Variants in COL25A1 observed in about 807,000 individuals in gnomAD.
COL25A1 encodes the protein collagen type XXV alpha 1 chain, also known as collagen alpha-1(XXV) chain.
Under a neutral mutation model 128.4 loss-of-function variants are expected in COL25A1, and 103 were observed. That is an observed-to-expected ratio of 0.80 (90% CI 0.68 to 0.94). The LOEUF (loss-of-function observed/expected upper bound fraction) is 0.94. COL25A1 is among the 40% of genes least tolerant of loss of function. The probability of loss-of-function intolerance (pLI) is 0.00; values close to 1 mark genes in which losing one functional copy is unlikely to be tolerated. For missense variants in COL25A1, 745 were observed against 840.0 expected (o/e 0.89, Z 1.40); for synonymous variants, 279 against 277.2 (o/e 1.01, Z -0.06).
At chr4:108,915,355 C>T (rs1463528032) in intron 13 of COL25A1, among the ~76,000 whole-genome samples, 2 of 152,042 alleles carry the variant, frequency 1.3e-5, no homozygotes, top group African/African-American at 2.4e-5. Context: ...TTTTCTCTTT[C>T]TCTCTCTCTC....
intron 3 of COL25A1, among the ~76,000 whole-genome samples, chr4:109,222,959 T>C (rs17040094): frequency 0.087 from 13,219 of 152,260 alleles, 1,195 homozygotes; most frequent in African/African-American, 0.23. Flanking sequence ...TGAGTGGTTA[T>C]GGGTGTATAA....
chr4:109,218,700 C>T (rs1778223492), intron 3 of COL25A1, among the ~76,000 whole-genome samples: 1 of 151,994 alleles, frequency 6.6e-6, no homozygotes, highest in Admixed American at 6.6e-5. Flanking sequence ...ATCCTCTTCA[C>T]TTCAAAAAAC....
intron 5 of COL25A1, among the ~76,000 whole-genome samples, chr4:109,030,299 G>C (rs1758711976): frequency 6.6e-6 from 1 of 152,140 alleles, no homozygotes; most frequent in Middle Eastern, 3.2e-3. Flanking sequence ...CCCCACACCT[G>C]AACTATGGAG....
At chr4:109,210,979 A>T (rs936591906) in intron 3 of COL25A1, among the ~76,000 whole-genome samples, 1 of 151,996 alleles carries the variant, frequency 6.6e-6, no homozygotes, top group African/African-American at 2.4e-5. Flanking sequence ...CTGAGCACAC[A>T]TGGGCACAAA....
At chr4:109,137,605 A>T (rs1211760558) in intron 3 of COL25A1, among the ~76,000 whole-genome samples, 2 of 152,204 alleles carry the variant, frequency 1.3e-5, no homozygotes, top group East Asian at 3.8e-4. Flanking sequence ...GATTATCCTC[A>T]TAAAAGCAGA....
At chr4:109,257,216 T>G (rs1280859038) in intron 3 of COL25A1, among the ~76,000 whole-genome samples, 3 of 152,202 alleles carry the variant, frequency 2.0e-5, no homozygotes, top group Admixed American at 1.3e-4. Context: ...ACAACTTGTC[T>G]TCATGCTGCA....
chr4:109,164,766 A>G (rs1772910867), intron 3 of COL25A1, among the ~76,000 whole-genome samples: 1 of 152,184 alleles, frequency 6.6e-6, no homozygotes, highest in African/African-American at 2.4e-5. Context: ...TTGTTCTTTT[A>G]AATATTTTAA....
At chr4:108,983,844 G>A (rs1186470444) in intron 6 of COL25A1, among the ~76,000 whole-genome samples, 1 of 152,096 alleles carries the variant, frequency 6.6e-6, no homozygotes, top group Non-Finnish European at 1.5e-5. Context: ...AGCTCATAAT[G>A]GCAGTGTGGA....
rs139597515 is a variant in COL25A1, at chr4:109,218,888, G to A, written c.367+81695C>T. On this transcript the variant is annotated intron_variant, in intron 3 of 37. Coordinates refer to ENST00000399132, the MANE Select transcript of COL25A1 (RefSeq NM_198721.4). Reference sequence around the variant, plus strand: ...ATTCTTTCTCCTTTATAAAATTTGCGCCAAAATAGGTTCATAGTTAGAATA... The same window carrying A: ...ATTCTTTCTCCTTTATAAAATTTGCACCAAAATAGGTTCATAGTTAGAATA... Among the ~76,000 whole-genome samples the A allele has an allele frequency of 2.7e-3, 416 of 151,914 alleles. 1 individual carries two copies. Among genetic ancestry groups the A allele is most frequent in the Middle Eastern group, 6.8e-3 (2 of 294 alleles).
At chr4:109,052,634 G>C (rs1579212646) in intron 3 of COL25A1, among the ~76,000 whole-genome samples, 2 of 152,242 alleles carry the variant, frequency 1.3e-5, no homozygotes, top group Middle Eastern at 6.8e-3. Context: ...TCTCAGAAAA[G>C]CCTAGGTAAA....
intron 3 of COL25A1, among the ~76,000 whole-genome samples, chr4:109,100,264 A>C (rs1765769496): frequency 6.6e-6 from 1 of 152,208 alleles, no homozygotes; most frequent in Non-Finnish European, 1.5e-5. Context: ...AGAATCATTA[A>C]GTAAATTATC....
chr4:108,962,856 A>G (rs1750882211), intron 8 of COL25A1, among the ~76,000 whole-genome samples: 1 of 152,166 alleles, frequency 6.6e-6, no homozygotes, highest in Non-Finnish European at 1.5e-5. Flanking sequence ...CTTCTAAGAG[A>G]TGAAAAGCAA....
chr4:109,072,316 C>T (rs80136807), intron 3 of COL25A1, among the ~76,000 whole-genome samples: 1 of 152,230 alleles, frequency 6.6e-6, no homozygotes, highest in African/African-American at 2.4e-5. Flanking sequence ...ATTTAACTCA[C>T]GTTTTCTTCC....
chr4:108,875,057 G>A (rs1418005547), intron 19 of COL25A1, among the ~76,000 whole-genome samples: 1 of 152,204 alleles, frequency 6.6e-6, no homozygotes, highest in Non-Finnish European at 1.5e-5. Context: ...CATTGGTGCT[G>A]AGGATAGATA....
At position 109,201,383 on chromosome 4, in the gene COL25A1, A is replaced by G. The variant is rs372332477; in HGVS notation, c.367+99200T>C. ...TCCACCACACAACAGGCTAAGAAAG[A>G]AAAACAATACAGTCATATAAATAGA... is the stretch of plus-strand genomic sequence containing the variant. On this transcript the variant is annotated intron_variant, in intron 3 of 37. Coordinates refer to ENST00000399132, the MANE Select transcript of COL25A1 (RefSeq NM_198721.4). Among the ~76,000 whole-genome samples, 88 of 152,344 alleles carry G rather than the reference A, an allele frequency of 5.8e-4. No individual in the cohort carries two copies. The East Asian group carries it at 0.017, about 29-fold the overall frequency.
intron 3 of COL25A1, among the ~76,000 whole-genome samples, chr4:109,163,603 A>C (rs901946662): frequency 1.3e-5 from 2 of 152,224 alleles, no homozygotes; most frequent in Non-Finnish European, 2.9e-5. Context: ...TTGGAAGCCT[A>C]AACAGCATGA....
intron 13 of COL25A1, among the ~76,000 whole-genome samples, chr4:108,906,643 CGT>C (rs1191915265): frequency 6.6e-6 from 1 of 152,094 alleles, no homozygotes; most frequent in Non-Finnish European, 1.5e-5. Context: ...TTAAATGGTA[CGT>C]ACTCACATTA....
At chr4:108,892,539 C>A (rs77050440) in intron 16 of COL25A1, among the ~76,000 whole-genome samples, 5,313 of 152,240 alleles carry the variant, frequency 0.035, 158 homozygotes, top group Middle Eastern at 0.068. Context: ...TAACAGTGAA[C>A]AATGAAGTTA....
chr4:109,091,870 G>A (rs1358811173), intron 3 of COL25A1, among the ~76,000 whole-genome samples: 14 of 152,260 alleles, frequency 9.2e-5, no homozygotes, highest in African/African-American at 2.2e-4. Context: ...ACACACAAGC[G>A]CAGGAGTGAG....
Sources: allele counts gnomAD v4.1 joint callset (sites outside exome capture counted in the v4.1 genomes callset), GRCh38; gene constraint gnomAD v4.1.1; transcripts MANE v1.5; gene names NCBI Gene and HGNC (gene_info 2026-07-23, HGNC 2026-07-21).